Variants in GLT1D1 observed in about 807,000 individuals in gnomAD.
GLT1D1 encodes glycosyltransferase 1 domain-containing protein 1.
In GLT1D1, 21 loss-of-function variants were observed where a neutral mutation model predicts 28.7. The observed-to-expected ratio is 0.73, with a 90% confidence interval of 0.52 to 1.05. The LOEUF (loss-of-function observed/expected upper bound fraction) is 1.05. Ranked by LOEUF, GLT1D1 falls within the 50% of genes least tolerant of loss-of-function variation. GLT1D1 has a pLI of 0.00. For missense variants in GLT1D1, 343 were observed against 330.6 expected (o/e 1.04, Z -0.29); for synonymous variants, 147 against 124.8 (o/e 1.18, Z -1.19).
intron 1 of GLT1D1, among the ~76,000 whole-genome samples, chr12:128,873,473 G>A (rs71464418): frequency 0.015 from 2,310 of 152,278 alleles, 21 homozygotes; most frequent in Middle Eastern, 0.031. Flanking sequence ...CTTCACAGCT[G>A]CAGTGCGTAT....
chr12:128,978,392 C>A (rs1251737135), intron 7 of GLT1D1, among the ~76,000 whole-genome samples: 1 of 152,168 alleles, frequency 6.6e-6, no homozygotes, highest in African/African-American at 2.4e-5. Context: ...GCGGGCACGG[C>A]TCTCCTCCTC....
chr12:128,873,966 TTTTTC>T (rs540796725), intron 1 of GLT1D1, among the ~76,000 whole-genome samples: 2 of 134,576 alleles, frequency 1.5e-5, no homozygotes, highest in Non-Finnish European at 3.2e-5. Flanking sequence ...TGTTTCTGTC[TTTTTC>T]TTTTCTTTTC....
intron 7 of GLT1D1, among the ~76,000 whole-genome samples, chr12:128,973,179 G>GTTTATTTTTTTTTTTTTTTTTTTTTT (rs1879369115): frequency 2.0e-5 from 1 of 50,958 alleles, no homozygotes. Context: ...TGTTTGCTTG[G>GTTTATTTTTTTTTTTTTTTTTTTTTT]TTTTTTTTTT....
chr12:128,926,319 GCCCTCCC>G lies in GLT1D1; in HGVS notation c.376-19005_376-18999del, dbSNP rs1329994060. ...TGTCATTGCTACTGCAGCATCCAGA[GCCCTCCC>G]CACTGAAAACATTCTGAACTCTTCT... On this transcript the variant is annotated intron_variant, in intron 4 of 7. Coordinates refer to ENST00000281703, the MANE Select transcript of GLT1D1 (RefSeq NM_144669.3). 86 of 1,058,928 alleles carry G rather than the reference GCCCTCCC, an allele frequency of 8.1e-5. No homozygotes were observed. The African/African-American group carries it at 1.1e-3, about 14-fold the overall frequency. 65.6% of individuals were successfully genotyped at this position (1,058,928 alleles called of 1,614,324 possible). A position where few individuals can be genotyped will look rare whatever the true frequency, so the allele number is the denominator to read the frequency against.
chr12:128,886,580 C>T (rs1427587112), intron 2 of GLT1D1, among the ~76,000 whole-genome samples: 1 of 151,860 alleles, frequency 6.6e-6, no homozygotes, highest in Non-Finnish European at 1.5e-5. Context: ...TGAGGGGCAT[C>T]CACATGTCTT....
At chr12:128,966,803 A>T (rs865819095) in intron 7 of GLT1D1, among the ~76,000 whole-genome samples, 10 of 152,106 alleles carry the variant, frequency 6.6e-5, no homozygotes, top group East Asian at 3.9e-4. Flanking sequence ...ATTTTTTTTT[A>T]AAAAATGACG....
intron 4 of GLT1D1, among the ~76,000 whole-genome samples, chr12:128,912,074 G>T (rs539945906): frequency 6.6e-6 from 1 of 152,268 alleles, no homozygotes; most frequent in Non-Finnish European, 1.5e-5. Context: ...GGCGGGAGCT[G>T]CATCAGCTGG....
At chr12:128,893,034 C>T (rs1051387597) in intron 3 of GLT1D1, among the ~76,000 whole-genome samples, 3 of 152,096 alleles carry the variant, frequency 2.0e-5, no homozygotes. Flanking sequence ...TCACTGAGGT[C>T]AGGAGTTTGA....
chr12:128,897,424 T>A (rs1869767554), intron 3 of GLT1D1, among the ~76,000 whole-genome samples: 2 of 152,172 alleles, frequency 1.3e-5, no homozygotes, highest in Non-Finnish European at 2.9e-5. Flanking sequence ...TTTCATAGCT[T>A]TTTTTCTTTC....
intron 7 of GLT1D1, among the ~76,000 whole-genome samples, chr12:128,975,946 A>G (rs1484504343): frequency 6.6e-6 from 1 of 152,200 alleles, no homozygotes; most frequent in Non-Finnish European, 1.5e-5. Context: ...TACCCGATGC[A>G]GGAGCTACTG....
chr12:128,869,781 T>C (rs998896394), intron 1 of GLT1D1, among the ~76,000 whole-genome samples: 1 of 152,002 alleles, frequency 6.6e-6, no homozygotes. Flanking sequence ...GCAGAGCTCA[T>C]CCTGTCTTAT....
Position 128,973,557 on chromosome 12 carries a change from T to C in GLT1D1, c.640-9372T>C, listed in dbSNP as rs539315641. Among the ~76,000 whole-genome samples the C allele has an allele frequency of 2.6e-5, 4 of 151,744 alleles. No homozygotes were observed. The East Asian group carries it at 7.8e-4, about 30-fold the overall frequency. On this transcript the variant is annotated intron_variant, in intron 7 of 7. Coordinates refer to ENST00000281703, the MANE Select transcript of GLT1D1 (RefSeq NM_144669.3). ...GAATGGCAGATTTACCGCCGCACTT[T>C]AATGGGCTGCTCTTTCCCTCCAACT...
At chr12:128,867,544 G>C (rs1332462274) in intron 1 of GLT1D1, among the ~76,000 whole-genome samples, 2 of 152,108 alleles carry the variant, frequency 1.3e-5, no homozygotes, top group Admixed American at 1.3e-4. Flanking sequence ...GGTGCGCTTG[G>C]TCACTGAAAA....
intron 4 of GLT1D1, among the ~76,000 whole-genome samples, chr12:128,931,499 G>C (rs1873882799): frequency 6.6e-6 from 1 of 151,450 alleles, no homozygotes; most frequent in Non-Finnish European, 1.5e-5. Flanking sequence ...TAGAGACGGG[G>C]GTTTCACCAT....
intron 4 of GLT1D1, among the ~76,000 whole-genome samples, chr12:128,909,004 A>G (rs1593117483): frequency 6.6e-6 from 1 of 152,276 alleles, no homozygotes; most frequent in South Asian, 2.1e-4. Flanking sequence ...TCCAAGCGTC[A>G]TTCCACTGGG....
chr12:128,932,261 T>G (rs923055464), intron 4 of GLT1D1, among the ~76,000 whole-genome samples: 7 of 152,052 alleles, frequency 4.6e-5, no homozygotes, highest in Non-Finnish European at 1.0e-4. Flanking sequence ...ACATACGTGG[T>G]AGGCAAGTAC....
At chr12:128,919,411 G>T (rs574068115) in intron 4 of GLT1D1, among the ~76,000 whole-genome samples, 105 of 152,320 alleles carry the variant, frequency 6.9e-4, no homozygotes, top group African/African-American at 2.3e-3. Flanking sequence ...AGTCACCAGG[G>T]TGTGTAGTGT....
intron 7 of GLT1D1, among the ~76,000 whole-genome samples, chr12:128,964,559 C>A: frequency 6.6e-6 from 1 of 152,178 alleles, no homozygotes; most frequent in East Asian, 1.9e-4. Context: ...GACATGGTTC[C>A]CTCTGCTTTA....
chr12:128,874,094 TTCTTTCTCTC>T (rs1183990214), intron 1 of GLT1D1, among the ~76,000 whole-genome samples: 4 of 26,352 alleles, frequency 1.5e-4, no homozygotes, highest in Non-Finnish European at 2.8e-4. Context: ...CTTTCTTTCT[TTCTTTCTCTC>T]TCTCTCTCTC....
Sources: allele counts gnomAD v4.1 joint callset (sites outside exome capture counted in the v4.1 genomes callset), GRCh38; gene constraint gnomAD v4.1.1; transcripts MANE v1.5; gene names NCBI Gene and HGNC (gene_info 2026-07-23, HGNC 2026-07-21).